MEGF6: variants seen among roughly 807,000 people sequenced by gnomAD.
MEGF6 encodes the protein multiple epidermal growth factor-like domains protein 6.
In MEGF6, 184 loss-of-function variants were observed where a neutral mutation model predicts 207.1. The ratio of observed to expected loss-of-function variants is 0.89; its 90% CI spans 0.79 to 1.00. The LOEUF (loss-of-function observed/expected upper bound fraction) is 1.00. Among genes scored for constraint, MEGF6 ranks in the 50% least tolerant of loss-of-function variants. The pLI is 0.00. For missense variants in MEGF6, 2,282 were observed against 2,202.9 expected (o/e 1.04, Z -0.72); for synonymous variants, 1,038 against 910.0 (o/e 1.14, Z -2.53).
At chr1:3,503,140 CCT>C (rs1342697626) in intron 17 of MEGF6, among the ~76,000 whole-genome samples, 1 of 152,118 alleles carries the variant, frequency 6.6e-6, no homozygotes, top group African/African-American at 2.4e-5. Flanking sequence ...CCGCTGAGGC[CCT>C]GAGGACACAC....
At chr1:3,575,884 A>C (rs1281776587) in intron 4 of MEGF6, among the ~76,000 whole-genome samples, 1 of 152,196 alleles carries the variant, frequency 6.6e-6, no homozygotes, top group Non-Finnish European at 1.5e-5. Flanking sequence ...CTGAGCCATC[A>C]CAATGGTTGT....
intron 1 of MEGF6, among the ~76,000 whole-genome samples, chr1:3,607,130 C>T (rs1237110721): frequency 1.3e-5 from 2 of 151,986 alleles, no homozygotes; most frequent in Admixed American, 1.3e-4. Context: ...TCAGAAGGGC[C>T]TTCTTGTCCT....
chr1:3,575,191 T>C (rs1643608921), intron 4 of MEGF6, among the ~76,000 whole-genome samples: 1 of 152,046 alleles, frequency 6.6e-6, no homozygotes, highest in South Asian at 2.1e-4. Flanking sequence ...GGGGAAGGGG[T>C]GGGGGCATCC....
chr1:3,511,005 G>A (rs1448492657), intron 9 of MEGF6, 103 bp from the exon 10 acceptor site: 39 of 1,466,046 alleles, frequency 2.7e-5, no homozygotes, highest in Non-Finnish European at 3.5e-5. Context: ...CCACGCGCCC[G>A]ACTGCACCTG....
At chr1:3,497,398 G>T in intron 26 of MEGF6, 37 bp from the exon 27 acceptor site, 1 of 1,487,906 alleles carries the variant, frequency 6.7e-7, no homozygotes, top group Non-Finnish European at 8.9e-7. Context: ...CTTCTAGGAG[G>T]GGCCCGTGGG....
At chr1:3,586,006 C>CACATGTCCTGTGTGTGGGTGTGTGGCG (rs1438614269) in intron 3 of MEGF6, among the ~76,000 whole-genome samples, 4 of 140,562 alleles carry the variant, frequency 2.8e-5, no homozygotes, top group Non-Finnish European at 6.0e-5. Context: ...GGTGTGTGGA[C>CACATGTCCTGTGTGTGGGTGTGTGGCG]ACATGTCCTG....
chr1:3,553,386 C>T (rs559192333), intron 4 of MEGF6, among the ~76,000 whole-genome samples: 37 of 151,580 alleles, frequency 2.4e-4, no homozygotes, highest in African/African-American at 6.5e-4. Flanking sequence ...ACAGGCGGGA[C>T]GGGGACACAG....
At chr1:3,527,477 G>A (rs938445854) in intron 4 of MEGF6, among the ~76,000 whole-genome samples, 3 of 152,216 alleles carry the variant, frequency 2.0e-5, no homozygotes, top group Non-Finnish European at 4.4e-5. Context: ...GGGTCCCTAA[G>A]CCCTGAGGCT....
At position 3,490,763 on chromosome 1, in the gene MEGF6, C is replaced by T. The variant is rs914655878; in HGVS notation, c.4564+149G>A. ...TGTCCTTCCCAGCTCTGGCCCCAGCCTTGGTCTCTGAGCTCCAGATTCCTG... is the reference window on the plus strand; with the variant it reads ...TGTCCTTCCCAGCTCTGGCCCCAGCTTTGGTCTCTGAGCTCCAGATTCCTG... On this transcript the variant is annotated intron_variant, in intron 36 of 36. Coordinates refer to ENST00000356575, the MANE Select transcript of MEGF6 (RefSeq NM_001409.4). 3 of 1,257,630 alleles carry T rather than the reference C, an allele frequency of 2.4e-6. No individual in the cohort carries two copies. In the African/African-American group the frequency reaches 4.5e-5, roughly 19 times the overall value. 77.9% of individuals were successfully genotyped at this position (1,257,630 alleles called of 1,614,324 possible).
chr1:3,607,272 C>T (rs1448475218), intron 1 of MEGF6, among the ~76,000 whole-genome samples: 5 of 152,048 alleles, frequency 3.3e-5, no homozygotes, highest in African/African-American at 7.3e-5. Flanking sequence ...ACATCACACC[C>T]GTCACTCTCC....
intron 1 of MEGF6, among the ~76,000 whole-genome samples, chr1:3,610,519 C>G (rs1242893023): frequency 6.6e-6 from 1 of 151,864 alleles, no homozygotes; most frequent in African/African-American, 2.4e-5. Flanking sequence ...GCACGTTTTC[C>G]TTTGAGGCCA....
Position 3,495,877 on chromosome 1 carries a change from A to G in MEGF6, c.3871+13T>C, listed in dbSNP as rs555751452. 5.1e-5 allele frequency: 81 copies of G among 1,597,828 alleles called. No homozygotes were observed. The African/African-American group carries it at 1.0e-3, about 20-fold the overall frequency. On this transcript the variant is annotated intron_variant, in intron 30 of 36. Coordinates refer to ENST00000356575, the MANE Select transcript of MEGF6 (RefSeq NM_001409.4). ...AAGGGCCTGTGAGCATGCCCTCTGG[A>G]GTGAACACTCACCTCGCTCACAGCG...
At chr1:3,571,044 C>T (rs1443864973) in intron 4 of MEGF6, among the ~76,000 whole-genome samples, 1 of 152,174 alleles carries the variant, frequency 6.6e-6, no homozygotes, top group East Asian at 1.9e-4. Context: ...TCCTCGGGGG[C>T]CTCCAGGGAC....
At chr1:3,531,152 G>T in intron 4 of MEGF6, 1 of 1,527,326 alleles carries the variant, frequency 6.5e-7, no homozygotes, top group Non-Finnish European at 8.8e-7. Flanking sequence ...CCCCTCCAGA[G>T]GTAGCGGTAG....
chr1:3,493,711 A>G, intron 34 of MEGF6, 60 bp downstream of exon 34: 3 of 1,582,746 alleles, frequency 1.9e-6, no homozygotes, highest in Non-Finnish European at 2.6e-6. Context: ...CAACCAATCA[A>G]TATTGGTCAC....
intron 3 of MEGF6, among the ~76,000 whole-genome samples, chr1:3,583,066 T>C (rs2101771748): frequency 6.6e-6 from 1 of 152,206 alleles, no homozygotes; most frequent in Admixed American, 6.5e-5. Flanking sequence ...GAGAGACCTG[T>C]GGATGCTCCT....
chr1:3,501,921 T>A lies in MEGF6; in HGVS notation c.2189A>T (p.Glu730Val). The A allele has an allele frequency of 6.3e-7, 1 of 1,596,116 alleles. No homozygotes were observed. The highest frequency in any genetic ancestry group is 8.5e-7 in the Non-Finnish European group (1 of 1,172,538). The part of the protein sequence containing the change: ...AGFQGEDCGQ[E>V]CPVGTFGVNC... The stretch of plus-strand genomic sequence containing the variant: ...CACGCCAAACGTCCCCACCGGGCAC[T>A]CTGCAGGAGAAAGCACGAGGGGCCT... Residue 730 changes from glutamate to valine, a missense_variant and splice_region_variant, in exon 18 of 37, where the codon GAG becomes GTG. Coordinates refer to ENST00000356575, the MANE Select transcript of MEGF6 (RefSeq NM_001409.4).
At chr1:3,595,772 A>G (rs1367311504) in intron 2 of MEGF6, among the ~76,000 whole-genome samples, 2 of 151,920 alleles carry the variant, frequency 1.3e-5, no homozygotes, top group Admixed American at 1.3e-4. Flanking sequence ...TGGCGTTGGG[A>G]CGCACATCTC....
chr1:3,590,329 T>A (rs888434297), intron 3 of MEGF6, among the ~76,000 whole-genome samples: 1 of 151,492 alleles, frequency 6.6e-6, no homozygotes, highest in African/African-American at 2.4e-5. Context: ...ATGGGCAGGG[T>A]CTGGGAAAAA....
Sources: allele counts gnomAD v4.1 joint callset (sites outside exome capture counted in the v4.1 genomes callset), GRCh38; gene constraint gnomAD v4.1.1; transcripts MANE v1.5; gene names NCBI Gene and HGNC (gene_info 2026-07-23, HGNC 2026-07-21).